The following UPP2 variants were observed in gnomAD, a reference collection of about 807,000 sequenced individuals.
The protein encoded by UPP2 is uridine phosphorylase 2, also known as UPase 2.
A neutral mutation model predicts 26.7 loss-of-function variants in UPP2; 23 were observed. The observed-to-expected ratio is 0.86, with a 90% CI of 0.62 to 1.22. The LOEUF is 1.22. UPP2 is among the 50% of genes most tolerant of loss of function. The pLI, the probability that UPP2 is intolerant of heterozygous loss-of-function variation, is 0.00. For missense variants in UPP2, 387 were observed against 396.7 expected (o/e 0.98, Z 0.21); for synonymous variants, 127 against 141.3 (o/e 0.90, Z 0.72).
At chr2:158,044,654 C>T (rs1221480414) in intron 3 of UPP2, among the ~76,000 whole-genome samples, 2 of 152,096 alleles carry the variant, frequency 1.3e-5, no homozygotes, top group African/African-American at 2.4e-5. Flanking sequence ...TATGTTCGAT[C>T]AGGTATTTTG....
At chr2:157,998,364 A>G (rs1302151513) in intron 2 of UPP2, among the ~76,000 whole-genome samples, 1 of 152,200 alleles carries the variant, frequency 6.6e-6, no homozygotes, top group Non-Finnish European at 1.5e-5. Context: ...ACTTTAGTGC[A>G]GGGCACGTCT....
chr2:158,002,625 A>T (rs967379871), intron 2 of UPP2, among the ~76,000 whole-genome samples: 1 of 152,236 alleles, frequency 6.6e-6, no homozygotes, highest in African/African-American at 2.4e-5. Flanking sequence ...GATTTGGGAT[A>T]TGTTACCAAA....
intron 3 of UPP2, among the ~76,000 whole-genome samples, chr2:158,030,818 T>C (rs1683910124): frequency 6.6e-6 from 1 of 152,230 alleles, no homozygotes; most frequent in African/African-American, 2.4e-5. Flanking sequence ...CCTAGTTTGC[T>C]ATTAAGGTGA....
At chr2:158,038,164 A>T (rs1684031809) in intron 3 of UPP2, among the ~76,000 whole-genome samples, 2 of 152,228 alleles carry the variant, frequency 1.3e-5, no homozygotes, top group South Asian at 4.1e-4. Flanking sequence ...CTCAGCACAC[A>T]TAATTTAGTA....
At chr2:158,083,868 TA>T (rs1175541629) in intron 3 of UPP2, among the ~76,000 whole-genome samples, 2 of 129,458 alleles carry the variant, frequency 1.5e-5, no homozygotes, top group African/African-American at 6.5e-5. Flanking sequence ...ATATGTTTTT[TA>T]TATATATATA....
intron 3 of UPP2, among the ~76,000 whole-genome samples, chr2:158,044,217 G>A (rs747617951): frequency 6.6e-6 from 1 of 152,212 alleles, no homozygotes; most frequent in Non-Finnish European, 1.5e-5. Flanking sequence ...TGCAGAAAAT[G>A]AGAGAGCAAG....
intron 3 of UPP2, among the ~76,000 whole-genome samples, chr2:158,047,949 C>A (rs540796506): frequency 6.6e-6 from 1 of 152,204 alleles, no homozygotes; most frequent in African/African-American, 2.4e-5. Context: ...CCCGTCACAG[C>A]TCAAAATCTG....
chr2:158,004,947 GTTC>G (rs1683465805), intron 2 of UPP2, among the ~76,000 whole-genome samples: 1 of 152,132 alleles, frequency 6.6e-6, no homozygotes, highest in African/African-American at 2.4e-5. Context: ...ACAATTTTTG[GTTC>G]TTGTTTTTAA....
At chr2:158,020,475 C>A (rs1313277943) in intron 3 of UPP2, among the ~76,000 whole-genome samples, 2 of 152,200 alleles carry the variant, frequency 1.3e-5, no homozygotes, top group African/African-American at 4.8e-5. Context: ...GGCATCTCTG[C>A]TCCTTTGCCA....
intron 3 of UPP2, among the ~76,000 whole-genome samples, chr2:158,088,430 T>G (rs1682851425): frequency 6.6e-6 from 1 of 152,260 alleles, no homozygotes; most frequent in Admixed American, 6.5e-5. Context: ...CACCTTTCTC[T>G]GGCACCTCCT....
intron 3 of UPP2, among the ~76,000 whole-genome samples, chr2:158,033,180 G>C (rs1163875771): frequency 1.3e-5 from 2 of 152,122 alleles, no homozygotes; most frequent in Non-Finnish European, 2.9e-5. Context: ...CAAAGGTGGA[G>C]GACCTTTGAG....
chr2:158,070,337 C>T (rs1319051190), intron 3 of UPP2, among the ~76,000 whole-genome samples: 1 of 152,214 alleles, frequency 6.6e-6, no homozygotes, highest in Non-Finnish European at 1.5e-5. Context: ...TCTAGACAAG[C>T]CATCTCTACC....
intron 3 of UPP2, among the ~76,000 whole-genome samples, chr2:158,047,887 C>T (rs1260006153): frequency 1.3e-5 from 2 of 152,150 alleles, no homozygotes; most frequent in Non-Finnish European, 2.9e-5. Flanking sequence ...TAGAAGGAGT[C>T]TCTCTTACCT....
At chr2:158,040,812 G>T (rs73003212) in intron 3 of UPP2, among the ~76,000 whole-genome samples, 5,525 of 152,238 alleles carry the variant, frequency 0.036, 327 homozygotes, top group African/African-American at 0.13. Flanking sequence ...GGTGGCTATA[G>T]TAGGATAAGA....
At chr2:158,087,543 A>T (rs1364815568) in intron 3 of UPP2, among the ~76,000 whole-genome samples, 1 of 152,062 alleles carries the variant, frequency 6.6e-6, no homozygotes, top group East Asian at 1.9e-4. Context: ...TGTTGCCTGA[A>T]TACCTTTTTT....
intron 3 of UPP2, among the ~76,000 whole-genome samples, chr2:158,077,906 T>G (rs537860620): frequency 1.3e-5 from 2 of 151,742 alleles, no homozygotes; most frequent in African/African-American, 2.4e-5. Flanking sequence ...ATAACCAGAA[T>G]GCATAAAGAG....
intron 3 of UPP2, among the ~76,000 whole-genome samples, chr2:158,095,368 A>G (rs1391826070): frequency 1.3e-5 from 2 of 152,214 alleles, no homozygotes; most frequent in African/African-American, 4.8e-5. Flanking sequence ...TTAAATCAAC[A>G]ACCTGATGAC....
chr2:158,016,584 G>C (rs1488424382), intron 3 of UPP2, among the ~76,000 whole-genome samples: 1 of 151,952 alleles, frequency 6.6e-6, no homozygotes, highest in African/African-American at 2.4e-5. Flanking sequence ...CAAGTGATCT[G>C]CCTGCCTCGG....
intron 2 of UPP2, among the ~76,000 whole-genome samples, chr2:158,108,510 A>C (rs911256966): frequency 2.0e-5 from 3 of 152,134 alleles, no homozygotes; most frequent in African/African-American, 7.2e-5. Context: ...TCCAAGTATT[A>C]GTTTCTGGGA....
Sources: allele counts gnomAD v4.1 joint callset (sites outside exome capture counted in the v4.1 genomes callset), GRCh38; gene constraint gnomAD v4.1.1; transcripts MANE v1.5; gene names NCBI Gene and HGNC (gene_info 2026-07-23, HGNC 2026-07-21).